The following FHIT variants were observed in gnomAD, a reference collection of about 807,000 sequenced individuals.
The protein encoded by FHIT is fragile histidine triad diadenosine triphosphatase.
Under a neutral mutation model 17.9 loss-of-function variants are expected in FHIT, and 19 were observed. The ratio of observed to expected loss-of-function variants is 1.06; its 90% confidence interval spans 0.74 to 1.56. The LOEUF (loss-of-function observed/expected upper bound fraction) is 1.56. Among genes scored for constraint, FHIT ranks in the 40% most tolerant of loss-of-function variants. The pLI, the probability that FHIT is intolerant of heterozygous loss-of-function variation, is 0.00. For missense variants in FHIT, 248 were observed against 189.2 expected (o/e 1.31, Z -1.82); for synonymous variants, 81 against 69.7 (o/e 1.16, Z -0.81).
At chr3:60,675,398 C>A (rs1453078280) in intron 4 of FHIT, among the ~76,000 whole-genome samples, 1 of 152,186 alleles carries the variant, frequency 6.6e-6, no homozygotes, top group African/African-American at 2.4e-5. Context: ...TCTCAGATAT[C>A]TGACTGCTAG....
intron 8 of FHIT, among the ~76,000 whole-genome samples, chr3:59,780,459 C>A (rs1480346378): frequency 2.0e-5 from 3 of 152,222 alleles, no homozygotes; most frequent in African/African-American, 4.8e-5. Context: ...GGAGAGCACA[C>A]TGGCTCTACC....
chr3:60,255,280 A>G (rs757532007), intron 5 of FHIT, among the ~76,000 whole-genome samples: 1 of 152,184 alleles, frequency 6.6e-6, no homozygotes, highest in African/African-American at 2.4e-5. Context: ...ATACATTTCA[A>G]TACTCTCTAC....
At chr3:61,127,718 A>G (rs930334292) in intron 2 of FHIT, among the ~76,000 whole-genome samples, 1 of 151,106 alleles carries the variant, frequency 6.6e-6, no homozygotes, top group South Asian at 2.1e-4. Context: ...TACAAAAAAT[A>G]TTTTTTTTTG....
intron 5 of FHIT, among the ~76,000 whole-genome samples, chr3:60,181,145 A>ATTTTTTTTTT (rs199935934): frequency 8.0e-6 from 1 of 125,576 alleles, no homozygotes; most frequent in African/African-American, 3.1e-5. Context: ...AATTTTTTTA[A>ATTTTTTTTTT]TTTTTTTTTT....
At chr3:60,262,229 TA>T (rs1289786650) in intron 5 of FHIT, among the ~76,000 whole-genome samples, 4 of 152,038 alleles carry the variant, frequency 2.6e-5, no homozygotes, top group Non-Finnish European at 5.9e-5. Context: ...GTATAATTTT[TA>T]AAAAGTTACA....
chr3:60,702,048 A>G (rs2041260212), intron 4 of FHIT, among the ~76,000 whole-genome samples: 1 of 152,204 alleles, frequency 6.6e-6, no homozygotes, highest in African/African-American at 2.4e-5. Flanking sequence ...TATTTTATAC[A>G]GACAGGGTTT....
intron 5 of FHIT, among the ~76,000 whole-genome samples, chr3:60,355,847 T>C: frequency 6.6e-6 from 1 of 152,190 alleles, no homozygotes; most frequent in East Asian, 1.9e-4. Context: ...TAACCTTATT[T>C]AGAGAGTAGG....
intron 3 of FHIT, among the ~76,000 whole-genome samples, chr3:60,887,360 T>A (rs1357945225): frequency 6.6e-6 from 1 of 152,136 alleles, no homozygotes; most frequent in African/African-American, 2.4e-5. Flanking sequence ...ATAAAAATAG[T>A]AGAGCCAGAC....
intron 3 of FHIT, among the ~76,000 whole-genome samples, chr3:61,009,521 C>A (rs1351301512): frequency 6.6e-6 from 1 of 152,118 alleles, no homozygotes; most frequent in Non-Finnish European, 1.5e-5. Flanking sequence ...TCCTATAATA[C>A]AGATCAAATT....
intron 5 of FHIT, among the ~76,000 whole-genome samples, chr3:60,398,680 C>A (rs1415755847): frequency 1.3e-5 from 2 of 152,066 alleles, no homozygotes; most frequent in Non-Finnish European, 2.9e-5. Context: ...TAGTAAATTA[C>A]ACACTTAATA....
At chr3:61,052,021 T>C (rs2034046529) in intron 2 of FHIT, among the ~76,000 whole-genome samples, 1 of 152,190 alleles carries the variant, frequency 6.6e-6, no homozygotes, top group Non-Finnish European at 1.5e-5. Flanking sequence ...AACATAAACT[T>C]TTCCTTCAAG....
chr3:60,119,593 TG>T (rs763510648), intron 5 of FHIT, among the ~76,000 whole-genome samples: 24 of 152,308 alleles, frequency 1.6e-4, no homozygotes, highest in Admixed American at 3.3e-4. Flanking sequence ...GAATTAATTT[TG>T]TCCCTGTATG....
At chr3:60,394,163 T>G (rs915782616) in intron 5 of FHIT, among the ~76,000 whole-genome samples, 4 of 152,148 alleles carry the variant, frequency 2.6e-5, no homozygotes, top group Middle Eastern at 6.8e-3. Flanking sequence ...GTCAGAGGTG[T>G]AGGAATGGGA....
intron 2 of FHIT, among the ~76,000 whole-genome samples, chr3:61,160,876 A>G (rs1457543960): frequency 6.6e-6 from 1 of 152,336 alleles, no homozygotes; most frequent in Non-Finnish European, 1.5e-5. Context: ...AAAGATTGGT[A>G]ATCACGCACT....
At chr3:59,901,719 G>A (rs1704337915) in intron 8 of FHIT, among the ~76,000 whole-genome samples, 2 of 152,162 alleles carry the variant, frequency 1.3e-5, no homozygotes, top group African/African-American at 4.8e-5. Flanking sequence ...AAAATGGTCT[G>A]GAAGTACCTT....
intron 8 of FHIT, among the ~76,000 whole-genome samples, chr3:59,899,639 G>C (rs1704233133): frequency 6.6e-6 from 1 of 151,720 alleles, no homozygotes; most frequent in African/African-American, 2.4e-5. Flanking sequence ...TTCGAGACCA[G>C]CCTGGGCAAT....
intron 5 of FHIT, among the ~76,000 whole-genome samples, chr3:60,281,176 A>G (rs758394580): frequency 4.6e-5 from 7 of 152,180 alleles, no homozygotes; most frequent in Non-Finnish European, 8.8e-5. Context: ...AAATATAAAA[A>G]ATTCTGATGA....
At chr3:60,268,354 G>T (rs574438970) in intron 5 of FHIT, among the ~76,000 whole-genome samples, 15 of 152,270 alleles carry the variant, frequency 9.9e-5, no homozygotes, top group African/African-American at 3.6e-4. Flanking sequence ...TCACTTTACT[G>T]CATAGTTCAT....
chr3:60,877,940 A>G (rs931454816), intron 3 of FHIT, among the ~76,000 whole-genome samples: 20 of 152,034 alleles, frequency 1.3e-4, no homozygotes, highest in African/African-American at 4.8e-4. Flanking sequence ...GGAGTCTGGG[A>G]TACAGATATG....
Sources: gnomAD v4.1 joint callset for allele counts (sites outside exome capture counted in the v4.1 genomes callset) on GRCh38, gnomAD v4.1.1 for gene constraint, MANE v1.5 for transcripts, NCBI Gene and HGNC (gene_info 2026-07-23, HGNC 2026-07-21) for gene names.